NT5M: variants seen among roughly 807,000 people sequenced by gnomAD.
The protein encoded by NT5M is 5',3'-nucleotidase, mitochondrial.
NT5M carries 22 observed loss-of-function variants against 22.2 expected under a neutral mutation model. The ratio of observed to expected loss-of-function variants is 0.99; its 90% CI spans 0.71 to 1.41. The LOEUF (loss-of-function observed/expected upper bound fraction) is 1.41, where lower values mean the gene tolerates loss of function less well. NT5M is among the 40% of genes most tolerant of loss of function. NT5M has a pLI of 0.00. For synonymous variants in NT5M, 167 were observed against 133.0 expected, an observed-to-expected ratio of 1.26 and a Z score of -1.76; for missense variants, 322 against 314.8, an observed-to-expected ratio of 1.02 and a Z score of -0.17.
chr17:17,315,859 G>T (rs896218826), intron 2 of NT5M, among the ~76,000 whole-genome samples: 2 of 142,598 alleles, frequency 1.4e-5, no homozygotes, highest in Non-Finnish European at 3.0e-5. Context: ...GGTTCATGCT[G>T]TTCTGCCTCA....
chr17:17,341,365 C>T (rs577330356), intron 3 of NT5M, among the ~76,000 whole-genome samples: 1 of 152,260 alleles, frequency 6.6e-6, no homozygotes, highest in South Asian at 2.1e-4. Context: ...GGAAACTGAC[C>T]TCACAGTGGA....
chr17:17,347,022 T>A lies in NT5M; in HGVS notation c.*75T>A. On this transcript the variant is annotated 3_prime_UTR_variant, in exon 5 of 5. Transcript: ENST00000389022. The stretch of plus-strand genomic sequence containing the variant: ...CAGCTCGGGGCCTGTGGGGCCAGTA[T>A]GCTGGTCTGGGAGTCCCTCCTAGAC... 1 of 1,561,996 alleles carries A rather than the reference T, an allele frequency of 6.4e-7. No homozygotes were observed. Among genetic ancestry groups the A allele is most frequent in the Non-Finnish European group, 8.6e-7 (1 of 1,156,428 alleles).
At position 17,303,561 on chromosome 17, in the gene NT5M, T is replaced by C. The variant is rs1274874608; in HGVS notation, c.11T>C (p.Leu4Pro). ...CCAGCGCGCTGGGCCATGATCCGGCTGGGCGGCTGGTGTGCGCGGCGGCTC... is the reference window on the plus strand; with the variant it reads ...CCAGCGCGCTGGGCCATGATCCGGCCGGGCGGCTGGTGTGCGCGGCGGCTC... MIR[L>P]GGWCARRLCS... Residue 4 changes from leucine to proline, a missense_variant, in exon 1 of 5, where the codon CTG (leucine) becomes CCG (proline). Physicochemically the swap from Leu to Pro is moderately conservative, Grantham distance 98. Transcript: ENST00000389022. The C allele has an allele frequency of 2.7e-6, 3 of 1,096,522 alleles. No individual in the cohort carries two copies. The highest frequency in any genetic ancestry group is 3.3e-6 in the Non-Finnish European group (3 of 900,552). 67.9% of individuals were successfully genotyped at this position (1,096,522 alleles called of 1,614,324 possible).
chr17:17,315,346 C>A (rs933576922), intron 2 of NT5M, among the ~76,000 whole-genome samples: 1 of 152,154 alleles, frequency 6.6e-6, no homozygotes, highest in East Asian at 1.9e-4. Context: ...CCTAAGGTCT[C>A]CAGTTTCAGG....
chr17:17,326,921 G>C (rs1418158092), intron 3 of NT5M, among the ~76,000 whole-genome samples: 1 of 152,138 alleles, frequency 6.6e-6, no homozygotes, highest in African/African-American at 2.4e-5. Flanking sequence ...TTTTTGTGGG[G>C]GAGTAGGGGA....
At chr17:17,344,962 C>G in intron 4 of NT5M, 54 bp downstream of exon 4, 5 of 1,609,994 alleles carry the variant, frequency 3.1e-6, no homozygotes, top group Non-Finnish European at 3.4e-6. Flanking sequence ...AGCCTTGGCC[C>G]CCTTCTCCTG....
intron 2 of NT5M, among the ~76,000 whole-genome samples, chr17:17,316,103 G>A (rs2049022798): frequency 6.9e-6 from 1 of 145,170 alleles, no homozygotes; most frequent in Non-Finnish European, 1.5e-5. Flanking sequence ...CCCCCAGGCT[G>A]TAGTGTAGTG....
rs553171426 is a variant in NT5M at position 17,326,138 on chromosome 17, T to C, written c.429+2893T>C. The stretch of plus-strand genomic sequence containing the variant: ...GGCGAGTACAGTGCTTGCCATTCAT[T>C]TGACACCTTTGATACGCCAGGCAAT... On this transcript the variant is annotated intron_variant, in intron 3 of 4. Transcript: ENST00000389022. Among the ~76,000 whole-genome samples the C allele has an allele frequency of 2.0e-5, 3 of 152,372 alleles. No homozygotes were observed. The South Asian group carries it at 6.2e-4, about 32-fold the overall frequency.
At chr17:17,322,290 A>C (rs1391797480) in intron 2 of NT5M, among the ~76,000 whole-genome samples, 1 of 152,100 alleles carries the variant, frequency 6.6e-6, no homozygotes, top group African/African-American at 2.4e-5. Context: ...CGCTGCCCTC[A>C]CCTGCCATCT....
intron 2 of NT5M, among the ~76,000 whole-genome samples, chr17:17,314,544 A>G (rs943230283): frequency 1.3e-5 from 2 of 152,158 alleles, no homozygotes; most frequent in Non-Finnish European, 2.9e-5. Context: ...AGTCAGAGTG[A>G]TATTTTTTAA....
At chr17:17,322,045 C>T (rs1423737190) in intron 2 of NT5M, among the ~76,000 whole-genome samples, 6 of 151,828 alleles carry the variant, frequency 4.0e-5, no homozygotes, top group South Asian at 4.2e-4. Flanking sequence ...AGGAACTGAG[C>T]GACAAGGTGT....
intron 3 of NT5M, among the ~76,000 whole-genome samples, chr17:17,323,606 T>C (rs1327494360): frequency 6.6e-6 from 1 of 152,236 alleles, no homozygotes; most frequent in Non-Finnish European, 1.5e-5. Context: ...CTTTATTATC[T>C]TTATTGAAAA....
At chr17:17,328,892 C>T (rs976865010) in intron 3 of NT5M, among the ~76,000 whole-genome samples, 9 of 152,174 alleles carry the variant, frequency 5.9e-5, no homozygotes, top group Non-Finnish European at 1.2e-4. Flanking sequence ...TTAACAATAG[C>T]CAAGCTGGTA....
At chr17:17,339,430 C>G (rs1418747618) in intron 3 of NT5M, among the ~76,000 whole-genome samples, 1 of 152,138 alleles carries the variant, frequency 6.6e-6, no homozygotes, top group East Asian at 1.9e-4. Flanking sequence ...GATAATTTGA[C>G]TTCTAATCCT....
chr17:17,309,676 T>TG (rs2048883303), intron 2 of NT5M, among the ~76,000 whole-genome samples: 1 of 1,392 alleles, frequency 7.2e-4, no homozygotes, highest in Non-Finnish European at 3.5e-3. Context: ...CTCAAGCATC[T>TG]TTTTTTTTTT....
At chr17:17,334,084 C>T (rs901497446) in intron 3 of NT5M, among the ~76,000 whole-genome samples, 4 of 151,824 alleles carry the variant, frequency 2.6e-5, no homozygotes, top group Admixed American at 6.6e-5. Flanking sequence ...CCGCCCGCCT[C>T]GGCCTCCCAA....
Position 17,344,922 on chromosome 17 carries a change from G to A in NT5M, c.544+14G>A, listed in dbSNP as rs548401976. On this transcript the variant is annotated intron_variant, in intron 4 of 4. Coordinates refer to ENST00000389022, the MANE Select transcript of NT5M (RefSeq NM_020201.4). The stretch of plus-strand genomic sequence containing the variant: ...CGGACATCACAGGCAAGTGGCCTGC[G>A]ACAGGTGAGGAGCACGTGGGGAGGG... The A allele has an allele frequency of 2.3e-5, 37 of 1,613,980 alleles. No homozygotes were observed. The highest frequency in any genetic ancestry group is 2.7e-5 in the Non-Finnish European group (32 of 1,179,994).
intron 2 of NT5M, among the ~76,000 whole-genome samples, chr17:17,309,906 C>T (rs1172435590): frequency 6.6e-6 from 1 of 150,622 alleles, no homozygotes; most frequent in East Asian, 2.0e-4. Flanking sequence ...CTCACTGCAA[C>T]CTCTGCCTCC....
Position 17,306,602 on chromosome 17 carries a change from A to G in NT5M, c.327A>G (p.Pro109=), listed in dbSNP as rs1282597695. ...TCTTTTTTGAACTTGAGCCTCTGCC[A>G]GGGGCCGTGGAAGCTGTCAAGGAGA... ...KNFFFELEPL[P]GAVEAVKEMA... Residue 109 remains proline (P), a synonymous_variant, in exon 2 of 5, where the codon CCA becomes CCG. Transcript: ENST00000389022. 1 of 1,614,056 alleles carries G rather than the reference A, an allele frequency of 6.2e-7. No homozygotes were observed. Among genetic ancestry groups the G allele is most frequent in the East Asian group, 2.2e-5 (1 of 44,882 alleles).
Sources: gnomAD v4.1 joint callset for allele counts (sites outside exome capture counted in the v4.1 genomes callset) on GRCh38, gnomAD v4.1.1 for gene constraint, MANE v1.5 for transcripts, NCBI Gene and HGNC (gene_info 2026-07-23, HGNC 2026-07-21) for gene names.